Variants in F13A1 observed in about 807,000 individuals in gnomAD.
The protein encoded by F13A1 is FSF, A subunit.
F13A1 carries 47 observed loss-of-function variants against 80.1 expected under a neutral mutation model. The ratio of observed to expected loss-of-function variants is 0.59; its 90% confidence interval spans 0.46 to 0.75. The LOEUF is 0.75. F13A1 is among the 30% of genes least tolerant of loss of function. F13A1 has a pLI of 0.00. For synonymous variants in F13A1, 349 were observed against 344.9 expected (o/e 1.01, Z -0.13); for missense variants, 817 against 930.4 (o/e 0.88, Z 1.59).
chr6:6,197,145 C>A (rs1761305309), intron 9 of F13A1, 78 bp downstream of exon 9: 4 of 1,409,142 alleles, frequency 2.8e-6, no homozygotes, highest in Non-Finnish European at 4.0e-6. Flanking sequence ...GCGTGGTTCC[C>A]ACACATCAAA....
chr6:6,149,139 T>C (rs999047032), intron 14 of F13A1, among the ~76,000 whole-genome samples: 2 of 152,194 alleles, frequency 1.3e-5, no homozygotes, highest in Non-Finnish European at 1.5e-5. Context: ...AGTTCTGGTG[T>C]TCTATTGCAT....
At chr6:6,261,458 G>A (rs543367956) in intron 4 of F13A1, among the ~76,000 whole-genome samples, 6 of 152,272 alleles carry the variant, frequency 3.9e-5, no homozygotes, top group East Asian at 1.9e-4. Context: ...CCAGTGGTCC[G>A]CTAAGTGTTG....
intron 6 of F13A1, among the ~76,000 whole-genome samples, chr6:6,238,566 T>A (rs1364034027): frequency 6.6e-6 from 1 of 152,022 alleles, no homozygotes; most frequent in Admixed American, 6.6e-5. Context: ...AATATGCCAT[T>A]TATAAAATAT....
intron 11 of F13A1, among the ~76,000 whole-genome samples, chr6:6,177,345 G>A (rs1391369348): frequency 2.0e-5 from 3 of 151,912 alleles, no homozygotes; most frequent in African/African-American, 4.8e-5. Flanking sequence ...TAGTGTTCTC[G>A]GCTCTCCCTA....
intron 4 of F13A1, among the ~76,000 whole-genome samples, chr6:6,255,365 G>A (rs185034426): frequency 7.2e-5 from 11 of 152,262 alleles, no homozygotes; most frequent in Admixed American, 5.2e-4. Context: ...TTTCACTGAT[G>A]AGGAAACTGA....
At chr6:6,274,867 C>G (rs1448444534) in intron 3 of F13A1, among the ~76,000 whole-genome samples, 1 of 152,080 alleles carries the variant, frequency 6.6e-6, no homozygotes, top group South Asian at 2.1e-4. Context: ...GAGTAACCAA[C>G]TGAGGGAATA....
At chr6:6,196,156 A>G (rs1761287419) in intron 9 of F13A1, among the ~76,000 whole-genome samples, 1 of 152,210 alleles carries the variant, frequency 6.6e-6, no homozygotes, top group Non-Finnish European at 1.5e-5. Flanking sequence ...TGTTGATGCC[A>G]AGCAGGTGGC....
At chr6:6,176,544 TGTG>T (rs1301339291) in intron 11 of F13A1, among the ~76,000 whole-genome samples, 3 of 152,058 alleles carry the variant, frequency 2.0e-5, no homozygotes, top group African/African-American at 4.8e-5. Flanking sequence ...GAATGTGTAG[TGTG>T]TGTGTGTATT....
At chr6:6,285,498 T>C (rs1758125012) in intron 3 of F13A1, among the ~76,000 whole-genome samples, 1 of 152,212 alleles carries the variant, frequency 6.6e-6, no homozygotes, top group African/African-American at 2.4e-5. Flanking sequence ...TAGCCAGAGA[T>C]GGGCAGCACA....
At chr6:6,271,908 G>A (rs1193867070) in intron 3 of F13A1, among the ~76,000 whole-genome samples, 1 of 152,228 alleles carries the variant, frequency 6.6e-6, no homozygotes, top group Non-Finnish European at 1.5e-5. Context: ...CCCCCCAGCT[G>A]GGATGTAGGA....
chr6:6,188,530 GTT>G (rs1457172076), intron 10 of F13A1, among the ~76,000 whole-genome samples: 1 of 137,164 alleles, frequency 7.3e-6, no homozygotes, highest in Admixed American at 7.7e-5. Flanking sequence ...TAGTTGAGCG[GTT>G]TTGAGTGAGA....
At chr6:6,209,374 T>C (rs1761559894) in intron 8 of F13A1, among the ~76,000 whole-genome samples, 1 of 150,430 alleles carries the variant, frequency 6.6e-6, no homozygotes, top group Admixed American at 6.6e-5. Flanking sequence ...AATATGAAGT[T>C]GGAACTTTTG....
At chr6:6,265,316 C>T (rs1757829486) in intron 4 of F13A1, among the ~76,000 whole-genome samples, 1 of 152,108 alleles carries the variant, frequency 6.6e-6, no homozygotes, top group African/African-American at 2.4e-5. Flanking sequence ...GGGTAGGGTG[C>T]CATGGGAAGT....
intron 13 of F13A1, among the ~76,000 whole-genome samples, chr6:6,159,520 CT>C (rs1285537221): frequency 6.6e-6 from 1 of 152,118 alleles, no homozygotes; most frequent in Non-Finnish European, 1.5e-5. Flanking sequence ...AGGGAACCCC[CT>C]TTTTTGGGGG....
rs1447604092 is a variant in F13A1, at chr6:6,243,302, A to G, written c.798+5010T>C. 3.3e-5 allele frequency among the ~76,000 whole-genome samples: 5 copies of G among 149,314 alleles called. No individual in the cohort carries two copies. Among genetic ancestry groups the G allele is most frequent in the African/African-American group, 1.2e-4 (5 of 40,500 alleles). On this transcript the variant is annotated intron_variant, in intron 6 of 14. Coordinates refer to ENST00000264870, the MANE Select transcript of F13A1 (RefSeq NM_000129.4). The surrounding 1 kb of genome is among the most constrained non-coding windows in gnomAD (Gnocchi z 4.2). ...TAATCACCCTACCATCACCACCATT[A>G]TTATCACAATCACTATCACCACCAC...
chr6:6,179,214 TATCAAAGAAG>T (rs1262601281), intron 11 of F13A1, among the ~76,000 whole-genome samples: 1 of 152,218 alleles, frequency 6.6e-6, no homozygotes, highest in Non-Finnish European at 1.5e-5. Flanking sequence ...AAGACACTGT[TATCAAAGAAG>T]ATATATTGCC....
At chr6:6,289,455 C>T (rs1187711078) in intron 3 of F13A1, among the ~76,000 whole-genome samples, 1 of 152,134 alleles carries the variant, frequency 6.6e-6, no homozygotes, top group Non-Finnish European at 1.5e-5. Flanking sequence ...CACACACGCA[C>T]ACACACATTT....
chr6:6,180,404 G>T (rs1430183185), intron 11 of F13A1, among the ~76,000 whole-genome samples: 2 of 152,178 alleles, frequency 1.3e-5, no homozygotes, highest in Non-Finnish European at 2.9e-5. Flanking sequence ...GGGAAGGCAG[G>T]GCTGTACATG....
At chr6:6,227,286 A>C (rs1239398612) in intron 6 of F13A1, among the ~76,000 whole-genome samples, 1 of 152,134 alleles carries the variant, frequency 6.6e-6, no homozygotes, top group African/African-American at 2.4e-5. Context: ...TCCCCCTTTA[A>C]CTCTGTGTCC....
Sources: gnomAD v4.1 joint callset for allele counts (sites outside exome capture counted in the v4.1 genomes callset) on GRCh38, gnomAD v4.1.1 for gene constraint, Gnocchi (gnomAD v3.1) non-coding constraint, MANE v1.5 for transcripts, NCBI Gene and HGNC (gene_info 2026-07-23, HGNC 2026-07-21) for gene names.